GMDS: variants seen among roughly 807,000 people sequenced by gnomAD.
The protein encoded by GMDS is GDP-mannose 4,6 dehydratase.
Under a neutral mutation model 49.9 loss-of-function variants are expected in GMDS, and 20 were observed. The ratio of observed to expected loss-of-function variants is 0.40; its 90% CI spans 0.28 to 0.58. The LOEUF is 0.58. Among genes scored for constraint, GMDS ranks in the 20% least tolerant of loss-of-function variants. GMDS has a pLI of 0.42. For missense variants in GMDS, 362 were observed against 481.4 expected, an observed-to-expected ratio of 0.75 and a Z score of 2.32; for synonymous variants, 177 against 178.6, an observed-to-expected ratio of 0.99 and a Z score of 0.07.
intron 1 of GMDS, among the ~76,000 whole-genome samples, chr6:2,156,986 A>AT (rs1002260756): frequency 3.3e-5 from 5 of 152,108 alleles, no homozygotes; most frequent in African/African-American, 1.2e-4. Flanking sequence ...ACTAGTTCAG[A>AT]TTTTTTTTCT....
chr6:2,118,748 T>C (rs1431894920), intron 2 of GMDS, among the ~76,000 whole-genome samples: 1 of 152,108 alleles, frequency 6.6e-6, no homozygotes, highest in African/African-American at 2.4e-5. Flanking sequence ...AACACGAAAA[T>C]ATTTTAGGAA....
At chr6:2,121,310 C>T (rs942090889) in intron 2 of GMDS, among the ~76,000 whole-genome samples, 1 of 152,152 alleles carries the variant, frequency 6.6e-6, no homozygotes, top group East Asian at 1.9e-4. Context: ...TCCATAAAAC[C>T]CAAGAATTCT....
chr6:1,648,363 G>A (rs1363600962), intron 9 of GMDS, among the ~76,000 whole-genome samples: 4 of 152,142 alleles, frequency 2.6e-5, no homozygotes, highest in Admixed American at 6.5e-5. Context: ...TCTCTCCAGC[G>A]TCATGCTTTC....
intron 4 of GMDS, among the ~76,000 whole-genome samples, chr6:2,018,514 C>A (rs145842184): frequency 0.014 from 2,076 of 152,248 alleles, 48 homozygotes; most frequent in African/African-American, 0.048. Flanking sequence ...AATCCCTCAA[C>A]CCTAGACAAC....
At position 1,998,998 on chromosome 6, in the gene GMDS, A is replaced by G. The variant is rs114794923; in HGVS notation, c.346-38032T>C. Reference sequence around the variant, plus strand: ...CAACAAGCAATAAGTAATAAAGATAATAATTCTAATTATCCCAAACCATTT... The same window carrying G: ...CAACAAGCAATAAGTAATAAAGATAGTAATTCTAATTATCCCAAACCATTT... On this transcript the variant is annotated intron_variant, in intron 4 of 10. Transcript: ENST00000380815. Among the ~76,000 whole-genome samples, 447 of 152,314 alleles carry G rather than the reference A, an allele frequency of 2.9e-3. 2 individuals are homozygous for G. Among genetic ancestry groups the G allele is most frequent in the African/African-American group, 0.01 (435 of 41,572 alleles).
chr6:2,123,450 A>G (rs1022276857), intron 2 of GMDS, among the ~76,000 whole-genome samples: 1 of 152,204 alleles, frequency 6.6e-6, no homozygotes, highest in African/African-American at 2.4e-5. Flanking sequence ...ACACAACAAC[A>G]TCACTAATTC....
intron 7 of GMDS, among the ~76,000 whole-genome samples, chr6:1,793,187 G>A (rs1261972262): frequency 6.6e-6 from 1 of 152,072 alleles, no homozygotes. Context: ...AGTTTCCTGG[G>A]TCATGATACA....
intron 9 of GMDS, among the ~76,000 whole-genome samples, chr6:1,634,378 G>A (rs1192499131): frequency 6.6e-6 from 1 of 152,236 alleles, no homozygotes; most frequent in African/African-American, 2.4e-5. Context: ...GTGAAGCTGT[G>A]ACCCTGAGCT....
chr6:2,112,802 C>CCT (rs1324929430), intron 4 of GMDS, among the ~76,000 whole-genome samples: 4 of 152,094 alleles, frequency 2.6e-5, no homozygotes, highest in South Asian at 2.1e-4. Context: ...AGCCTCATCC[C>CCT]CTCTTGCTTG....
intron 9 of GMDS, among the ~76,000 whole-genome samples, chr6:1,645,065 A>G (rs906668182): frequency 6.6e-6 from 1 of 151,450 alleles, no homozygotes; most frequent in African/African-American, 2.4e-5. Context: ...CCTCATGAGT[A>G]GCTGGGATTA....
At chr6:2,036,561 GCGTTA>G (rs1769318453) in intron 4 of GMDS, among the ~76,000 whole-genome samples, 1 of 152,134 alleles carries the variant, frequency 6.6e-6, no homozygotes. Flanking sequence ...GAAATTCCTG[GCGTTA>G]CCCATTATCA....
chr6:2,184,807 T>C (rs897615362), intron 1 of GMDS, among the ~76,000 whole-genome samples: 1 of 150,470 alleles, frequency 6.6e-6, no homozygotes, highest in South Asian at 2.1e-4. Context: ...TAAAAGTCTC[T>C]TGTTTTCTGT....
intron 9 of GMDS, among the ~76,000 whole-genome samples, chr6:1,678,974 A>T (rs934511211): frequency 6.6e-6 from 1 of 152,218 alleles, no homozygotes; most frequent in Non-Finnish European, 1.5e-5. Context: ...CTGACAGCAA[A>T]GCAAACTGAC....
At chr6:1,628,437 T>C (rs4959584) in intron 9 of GMDS, among the ~76,000 whole-genome samples, 60,638 of 152,140 alleles carry the variant, frequency 0.4, 12,734 homozygotes, top group East Asian at 0.76. Context: ...CACCTCCATA[T>C]CACTTTCTCT....
intron 4 of GMDS, among the ~76,000 whole-genome samples, chr6:2,020,605 T>C (rs1768217510): frequency 6.6e-6 from 1 of 151,976 alleles, no homozygotes; most frequent in South Asian, 2.1e-4. Context: ...CTACAATGCA[T>C]CCAGAGGCAT....
At chr6:1,771,974 G>T (rs567614978) in intron 7 of GMDS, among the ~76,000 whole-genome samples, 19 of 135,074 alleles carry the variant, frequency 1.4e-4, no homozygotes, top group African/African-American at 5.4e-4. Flanking sequence ...AGCAGGCAAA[G>T]AAGGTTTTTG....
At chr6:1,957,980 A>T (rs377764724) in intron 6 of GMDS, among the ~76,000 whole-genome samples, 1 of 151,838 alleles carries the variant, frequency 6.6e-6, no homozygotes, top group African/African-American at 2.4e-5. Flanking sequence ...TTCGTTTTTT[A>T]TTTTTTTGAG....
intron 7 of GMDS, among the ~76,000 whole-genome samples, chr6:1,847,787 T>C (rs1757476285): frequency 6.6e-6 from 1 of 152,224 alleles, no homozygotes; most frequent in South Asian, 2.1e-4. Flanking sequence ...TTCTACACAG[T>C]GTCTACCCAG....
chr6:1,697,941 G>T (rs1301299239), intron 9 of GMDS, among the ~76,000 whole-genome samples: 8 of 152,206 alleles, frequency 5.3e-5, no homozygotes, highest in Admixed American at 4.6e-4. Flanking sequence ...GGCTGCGGAC[G>T]ATCAAGGTTA....
Sources: gnomAD v4.1 joint callset for allele counts (sites outside exome capture counted in the v4.1 genomes callset) on GRCh38, gnomAD v4.1.1 for gene constraint, MANE v1.5 for transcripts, NCBI Gene and HGNC (gene_info 2026-07-23, HGNC 2026-07-21) for gene names.